The following RASGRP4 variants were observed in gnomAD, a reference collection of about 807,000 sequenced individuals.
RASGRP4 encodes RAS guanyl-releasing protein 4.
Under a neutral mutation model 84.4 loss-of-function variants are expected in RASGRP4, and 52 were observed. The observed-to-expected ratio is 0.62, with a 90% confidence interval of 0.49 to 0.78. The LOEUF (loss-of-function observed/expected upper bound fraction) is 0.78, where lower values mean the gene tolerates loss of function less well. Among genes scored for constraint, RASGRP4 ranks in the 30% least tolerant of loss-of-function variants. RASGRP4 has a pLI of 0.00. For synonymous variants in RASGRP4, 356 were observed against 359.1 expected (o/e 0.99, Z 0.10); for missense variants, 760 against 886.9 (o/e 0.86, Z 1.82).
intron 8 of RASGRP4, among the ~76,000 whole-genome samples, chr19:38,416,463 CAAAAA>C (rs765219678): frequency 0.022 from 1,279 of 58,630 alleles, 18 homozygotes; most frequent in African/African-American, 0.059. Flanking sequence ...GACTCTGTCT[CAAAAA>C]AAAAAAAAAA....
chr19:38,420,411 AC>A, intron 4 of RASGRP4, 149 bp from the exon 5 acceptor site: 1 of 798,660 alleles, frequency 1.3e-6, no homozygotes, highest in Non-Finnish European at 1.9e-6. Flanking sequence ...TTGGAGGGGC[AC>A]CAGGCTTGGA....
In RASGRP4 at chr19:38,409,223, C is replaced by G; in HGVS notation, c.*817G>C. The stretch of plus-strand genomic sequence containing the variant: ...GTTCTTTGCCCTATAGCACATCTAT[C>G]CTGTGCCGTGGGCATGGGTAAGGAG... On this transcript the variant is annotated 3_prime_UTR_variant, in exon 17 of 17. Coordinates refer to ENST00000615439, the MANE Select transcript of RASGRP4 (RefSeq NM_170604.3). 1 of 192,774 alleles carries G rather than the reference C, an allele frequency of 5.2e-6. No individual in the cohort carries two copies. Among genetic ancestry groups the G allele is most frequent in the Non-Finnish European group, 1.1e-5 (1 of 94,092 alleles). 11.9% of individuals were successfully genotyped at this position (192,774 alleles called of 1,614,324 possible). A position where few individuals can be genotyped will look rare whatever the true frequency, so the allele number is the denominator to read the frequency against.
At position 38,425,824 on chromosome 19, in the gene RASGRP4, G is replaced by A. The variant is rs1971969140; in HGVS notation, c.23+245C>T. Among the ~76,000 whole-genome samples the A allele has an allele frequency of 2.0e-5, 3 of 152,168 alleles. No individual in the cohort carries two copies. The South Asian group carries it at 6.2e-4, about 31-fold the overall frequency. ...AGCCCAGGCCAGGGATGGAGGTGGG[G>A]TGATGAGGAGTGGAAAAGGGGCACG... On this transcript the variant is annotated intron_variant, in intron 1 of 16. Coordinates refer to ENST00000615439, the MANE Select transcript of RASGRP4 (RefSeq NM_170604.3).
rs564169913 is a variant in RASGRP4, at chr19:38,410,994, G to A, written c.1857C>T (p.Ser619=). 6.4e-5 allele frequency: 103 copies of A among 1,603,740 alleles called. No individual in the cohort carries two copies. The highest frequency in any genetic ancestry group is 1.1e-4 in the African/African-American group (8 of 74,814). Residue 619 remains serine (S), a synonymous_variant, in exon 16 of 17, where the codon TCC becomes TCT. Transcript: ENST00000615439. ...ATAGCGTGTAGGAGTGATTTTCCTC[G>A]GAGCCTGTTTGTGGGTGGATGGAAG... The part of the protein sequence containing the change: ...STPAPHASCG[S]EENHSYTLSL...
chr19:38,412,540 G>A lies in RASGRP4; in HGVS notation c.1680+132C>T. 2 of 831,736 alleles carry A rather than the reference G, an allele frequency of 2.4e-6. No homozygotes were observed. Among genetic ancestry groups the A allele is most frequent in the African/African-American group, 3.4e-5 (2 of 58,298 alleles). 51.5% of individuals were successfully genotyped at this position (831,736 alleles called of 1,614,324 possible). On this transcript the variant is annotated intron_variant, in intron 13 of 16. Coordinates refer to ENST00000615439, the MANE Select transcript of RASGRP4 (RefSeq NM_170604.3). This position sits in a 1 kb window ranked among gnomAD's most constrained non-coding sequence, Gnocchi z 4.6. Reference sequence around the variant, plus strand: ...ATCCAGGATATAGGGAATGTCTGGTGTTTAGGGTTTATATGAAACAGGATG... The same window carrying A: ...ATCCAGGATATAGGGAATGTCTGGTATTTAGGGTTTATATGAAACAGGATG...
At chr19:38,415,869 G>A (rs1190641318) in intron 8 of RASGRP4, among the ~76,000 whole-genome samples, 3 of 150,732 alleles carry the variant, frequency 2.0e-5, no homozygotes, top group Non-Finnish European at 4.4e-5. Flanking sequence ...GAACAGCCTG[G>A]GCAACATGGT....
chr19:38,418,662 G>C lies in RASGRP4; in HGVS notation c.664-98C>G. The C allele has an allele frequency of 2.4e-6, 3 of 1,227,018 alleles. No homozygotes were observed. The highest frequency in any genetic ancestry group is 3.3e-6 in the Non-Finnish European group (3 of 913,994). 76.0% of individuals were successfully genotyped at this position (1,227,018 alleles called of 1,614,324 possible). On this transcript the variant is annotated intron_variant, in intron 6 of 16. Transcript: ENST00000615439. The surrounding 1 kb of genome is among the most constrained non-coding windows in gnomAD (Gnocchi z 4.6). ...TCACGATCTCTGATGTCCTAGCCTG[G>C]TCTAGCCGGAGTGACCTTTGTCATC... is the stretch of plus-strand genomic sequence containing the variant.
At chr19:38,414,628 G>A (rs769023787) in intron 9 of RASGRP4, among the ~76,000 whole-genome samples, 3 of 152,182 alleles carry the variant, frequency 2.0e-5, no homozygotes, top group Non-Finnish European at 4.4e-5. Context: ...GCCCGGCTGG[G>A]TCCTTTTATT....
chr19:38,411,566 T>C, intron 13 of RASGRP4, 185 bp from the exon 14 acceptor site: 3 of 626,966 alleles, frequency 4.8e-6, no homozygotes, highest in Non-Finnish European at 8.0e-6. Flanking sequence ...CCCAGCACTT[T>C]GAGACGCCAA....
intron 1 of RASGRP4, among the ~76,000 whole-genome samples, chr19:38,425,211 C>A (rs1474369017): frequency 6.6e-6 from 1 of 151,214 alleles, no homozygotes; most frequent in African/African-American, 2.4e-5. Flanking sequence ...AAAAAAAAAC[C>A]AAACACTTTA....
intron 6 of RASGRP4, among the ~76,000 whole-genome samples, chr19:38,419,239 G>A (rs915889731): frequency 1.3e-5 from 2 of 152,106 alleles, no homozygotes; most frequent in African/African-American, 4.8e-5. Flanking sequence ...ATTTCAAATG[G>A]TTCAAGCAGA....
At position 38,413,092 on chromosome 19, in the gene RASGRP4, A is replaced by C. The variant is rs770075897; in HGVS notation, c.1417-43T>G. 6.3e-7 allele frequency: 1 copy of C among 1,585,164 alleles called. No homozygotes were observed. Among genetic ancestry groups the C allele is most frequent in the African/African-American group, 1.3e-5 (1 of 74,396 alleles). ...GAAGCAGATAAGGCCCAGTTGTCGAAATATGATCCCCATGGCCATAAGTCC... is the reference window on the plus strand; with the variant it reads ...GAAGCAGATAAGGCCCAGTTGTCGACATATGATCCCCATGGCCATAAGTCC... On this transcript the variant is annotated intron_variant, in intron 11 of 16. Transcript: ENST00000615439. This position sits in a 1 kb window ranked among gnomAD's most constrained non-coding sequence, Gnocchi z 4.7.
Position 38,417,130 on chromosome 19 carries a change from T to C in RASGRP4, c.876A>G (p.Ala292=). Residue 292 remains alanine, a synonymous_variant, in exon 8 of 17, where the codon GCA becomes GCG. Coordinates refer to ENST00000615439, the MANE Select transcript of RASGRP4 (RefSeq NM_170604.3). This position sits in a 1 kb window ranked among gnomAD's most constrained non-coding sequence, Gnocchi z 5.1. ...CACTGTGACACAGGCCCCCTGTGAC[T>C]GCCATCAGCGTGTTGAAATTCTGCA... ...HQLQNFNTLM[A]VTGGLCHSAI... 6.4e-7 allele frequency: 1 copy of C among 1,563,652 alleles called. No homozygotes were observed. The highest frequency in any genetic ancestry group is 8.7e-7 in the Non-Finnish European group (1 of 1,153,918).
Position 38,413,550 on chromosome 19 carries a change from T to G in RASGRP4, c.1231-76A>C. On this transcript the variant is annotated intron_variant, in intron 9 of 16. Transcript: ENST00000615439. This position sits in a 1 kb window ranked among gnomAD's most constrained non-coding sequence, Gnocchi z 4.7. ...GACCCCCACACCCACTCGCAGGCTC[T>G]TCCCAAAGCCCCTCCTGGGTTCAAA... 8.0e-7 allele frequency: 1 copy of G among 1,250,696 alleles called. No homozygotes were observed. The highest frequency in any genetic ancestry group is 1.1e-6 in the Non-Finnish European group (1 of 877,022). 77.5% of individuals were successfully genotyped at this position (1,250,696 alleles called of 1,614,324 possible). A position where few individuals can be genotyped will look rare whatever the true frequency, so the allele number is the denominator to read the frequency against.
In RASGRP4 at chr19:38,414,923, C is replaced by G. The variant is rs1175173479; in HGVS notation, c.1155G>C (p.Arg385=). ...HLPKLNNLYL[R]LQELVALQGQ... is the part of the protein sequence containing the mutation. ...CTTGGAGGGCCACCAGCTCCTGCAGCCGCAGGTAGAGGTTGTTCAGCTTGG... is the reference window on the plus strand; with the variant it reads ...CTTGGAGGGCCACCAGCTCCTGCAGGCGCAGGTAGAGGTTGTTCAGCTTGG... The change falls in exon 9 of 17, where the codon CGG becomes CGC. Residue 385 remains arginine, a synonymous_variant. Transcript: ENST00000615439. The G allele has an allele frequency of 6.2e-7, 1 of 1,612,504 alleles. No homozygotes were observed. Among genetic ancestry groups the G allele is most frequent in the African/African-American group, 1.3e-5 (1 of 74,934 alleles).
Position 38,421,057 on chromosome 19 carries a change from T to C in RASGRP4, c.314+38A>G, listed in dbSNP as rs61604854. On this transcript the variant is annotated intron_variant, in intron 3 of 16. Transcript: ENST00000615439. ...TGCCCAGGTTCTCACGACTCTGCCCTCTGCCCTCCACCCATAGCTCACAGT... is the reference window on the plus strand; with the variant it reads ...TGCCCAGGTTCTCACGACTCTGCCCCCTGCCCTCCACCCATAGCTCACAGT... 6,358 of 1,607,218 alleles carry C rather than the reference T, an allele frequency of 4.0e-3. 94 individuals are homozygous for C. In the African/African-American group the frequency reaches 0.042, roughly 11 times the overall value.
At chr19:38,425,275 C>G (rs575972514) in intron 1 of RASGRP4, among the ~76,000 whole-genome samples, 1 of 152,004 alleles carries the variant, frequency 6.6e-6, no homozygotes, top group African/African-American at 2.4e-5. Context: ...TTCTGAGGCT[C>G]GCTCCAGTTT....
chr19:38,409,976 C>CT lies in RASGRP4; in HGVS notation c.*63dup, dbSNP rs964440269. ...CTACCTCTGGGAGCCCTGCCAGAGT[C>CT]TGACGGCAGGACTCAGGACTGACTG... On this transcript the variant is annotated 3_prime_UTR_variant, in exon 17 of 17. Transcript: ENST00000615439. 15 of 1,378,636 alleles carry CT rather than the reference C, an allele frequency of 1.1e-5. No individual in the cohort carries two copies. Among genetic ancestry groups the CT allele is most frequent in the Non-Finnish European group, 1.5e-5 (15 of 996,710 alleles). The allele number at this position is 1,378,636 out of a possible 1,614,324, so 85.4% of individuals were successfully genotyped here.
At chr19:38,411,530 G>A (rs899700694) in intron 13 of RASGRP4, 149 bp from the exon 14 acceptor site, 3 of 791,554 alleles carry the variant, frequency 3.8e-6, no homozygotes, top group Admixed American at 5.9e-5. Flanking sequence ...GAATGTGGGT[G>A]GGGTACAGTG....
Sources: allele counts gnomAD v4.1 joint callset (sites outside exome capture counted in the v4.1 genomes callset), GRCh38; gene constraint gnomAD v4.1.1; non-coding constraint Gnocchi (gnomAD v3.1); transcripts MANE v1.5; gene names NCBI Gene and HGNC (gene_info 2026-07-23, HGNC 2026-07-21).